RP1: variants seen among roughly 807,000 people sequenced by gnomAD.
RP1 encodes the protein oxygen-regulated protein 1.
Under a neutral mutation model 14.8 loss-of-function variants are expected in RP1, and 16 were observed. The observed-to-expected ratio is 1.08, with a 90% CI of 0.73 to 1.65. The LOEUF is 1.65. RP1 is among the 40% of genes most tolerant of loss of function. The probability of loss-of-function intolerance (pLI) is 0.00; values close to 1 mark genes in which losing one functional copy is unlikely to be tolerated. For missense variants in RP1, 2,631 were observed against 2,535.0 expected (o/e 1.04, Z -0.81); for synonymous variants, 876 against 883.6 (o/e 0.99, Z 0.15).
chr8:54,821,395 T>C (rs1305282932), intron 24 of RP1, among the ~76,000 whole-genome samples: 1 of 152,176 alleles, frequency 6.6e-6, no homozygotes, highest in East Asian at 1.9e-4. Flanking sequence ...TGACAAACCA[T>C]ACAAATGACT....
intron 1 of RP1, among the ~76,000 whole-genome samples, chr8:54,571,704 G>A (rs1804526765): frequency 6.6e-6 from 1 of 152,218 alleles, no homozygotes; most frequent in Admixed American, 6.5e-5. Context: ...GAGGCTGGAA[G>A]TCTGAGATCA....
exon 15 of RP1, chr8:54,706,532 G>T (rs1288638954): frequency 1.3e-6 from 2 of 1,535,836 alleles, no homozygotes; most frequent in Admixed American, 2.0e-5. Flanking sequence ...GCACTGGAGT[G>T]GGAAGCCAGT....
At chr8:54,698,100 A>T (rs1316498561) in intron 12 of RP1, among the ~76,000 whole-genome samples, 1 of 152,240 alleles carries the variant, frequency 6.6e-6, no homozygotes, top group Non-Finnish European at 1.5e-5. Flanking sequence ...CAGAGTGAAC[A>T]GGCCACCTAC....
intron 3 of RP1, among the ~76,000 whole-genome samples, chr8:54,646,163 G>C (rs1806546250): frequency 1.3e-5 from 2 of 152,090 alleles, no homozygotes; most frequent in South Asian, 4.1e-4. Flanking sequence ...GAAATCTTCT[G>C]TCTTACTTGC....
chr8:54,676,306 T>C (rs1807293707), intron 8 of RP1, among the ~76,000 whole-genome samples: 1 of 152,192 alleles, frequency 6.6e-6, no homozygotes, highest in Non-Finnish European at 1.5e-5. Context: ...GGCTGTTGAT[T>C]TGATACCTAT....
chr8:54,796,938 C>T (rs1231231650), intron 24 of RP1, among the ~76,000 whole-genome samples: 1 of 152,118 alleles, frequency 6.6e-6, no homozygotes, highest in East Asian at 1.9e-4. Context: ...TTTTACTAAT[C>T]TTGCTGAGAG....
intron 25 of RP1, among the ~76,000 whole-genome samples, chr8:54,844,767 T>C (rs1388077356): frequency 2.6e-5 from 4 of 152,218 alleles, no homozygotes; most frequent in Non-Finnish European, 4.4e-5. Context: ...GATATTCTTA[T>C]GTGATCCTAT....
chr8:54,669,924 T>C (rs1054341364), intron 7 of RP1, among the ~76,000 whole-genome samples: 2 of 152,110 alleles, frequency 1.3e-5, no homozygotes, highest in African/African-American at 2.4e-5. Context: ...AAATACCTAA[T>C]GTAAATTATG....
chr8:54,761,821 G>A (rs1332986360), intron 22 of RP1, among the ~76,000 whole-genome samples: 2 of 152,152 alleles, frequency 1.3e-5, no homozygotes, highest in African/African-American at 4.8e-5. Context: ...TTTCTATTAT[G>A]TAGCTATACA....
intron 24 of RP1, among the ~76,000 whole-genome samples, chr8:54,831,609 C>A (rs1811531293): frequency 6.6e-6 from 1 of 151,490 alleles, no homozygotes; most frequent in Non-Finnish European, 1.5e-5. Flanking sequence ...ATATTACAAA[C>A]CCCATAAAAC....
intron 24 of RP1, among the ~76,000 whole-genome samples, chr8:54,822,307 G>A (rs1471304053): frequency 6.6e-6 from 1 of 152,258 alleles, no homozygotes; most frequent in South Asian, 2.1e-4. Context: ...TATCCAGAGA[G>A]TAGCATATTT....
intron 7 of RP1, among the ~76,000 whole-genome samples, chr8:54,669,402 A>C (rs1807093163): frequency 2.0e-5 from 3 of 152,320 alleles, no homozygotes; most frequent in South Asian, 4.1e-4. Context: ...GATGTGGAGA[A>C]ATAGGAACAC....
intron 24 of RP1, among the ~76,000 whole-genome samples, chr8:54,792,456 G>A (rs565697686): frequency 1.6e-4 from 24 of 151,852 alleles, no homozygotes; most frequent in Middle Eastern, 3.4e-3. Flanking sequence ...CATATGTTAG[G>A]ACACAAAACA....
upstream of RP1, among the ~76,000 whole-genome samples, chr8:54,615,388 C>CCCGT (rs1805691182): frequency 6.6e-6 from 1 of 152,130 alleles, no homozygotes; most frequent in Non-Finnish European, 1.5e-5. Flanking sequence ...GGCAGGAAGC[C>CCCGT]CCGTAGGAAA....
intron 12 of RP1, among the ~76,000 whole-genome samples, chr8:54,685,469 T>A (rs555380604): frequency 5.3e-4 from 80 of 152,280 alleles, no homozygotes; most frequent in African/African-American, 1.8e-3. Flanking sequence ...TGGTTTTGAA[T>A]GAATTTCTTA....
At chr8:54,570,864 TC>T (rs1301470259) in intron 1 of RP1, among the ~76,000 whole-genome samples, 1 of 152,160 alleles carries the variant, frequency 6.6e-6, no homozygotes, top group Non-Finnish European at 1.5e-5. Flanking sequence ...CTTAAATATA[TC>T]TTTGAAGTTT....
intron 14 of RP1, among the ~76,000 whole-genome samples, chr8:54,704,123 A>C (rs746992649): frequency 2.0e-5 from 3 of 152,186 alleles, no homozygotes; most frequent in Non-Finnish European, 4.4e-5. Flanking sequence ...TTTCCTTTGC[A>C]TTCACAACAT....
intron 3 of RP1, among the ~76,000 whole-genome samples, chr8:54,637,242 C>T (rs187182903): frequency 3.3e-5 from 5 of 151,970 alleles, no homozygotes; most frequent in Non-Finnish European, 5.9e-5. Flanking sequence ...TGTAATAGCT[C>T]GATAGGACTG....
intron 1 of RP1, among the ~76,000 whole-genome samples, chr8:54,607,217 G>C (rs1280735604): frequency 6.6e-6 from 1 of 152,124 alleles, no homozygotes; most frequent in Non-Finnish European, 1.5e-5. Context: ...AACAGATGGG[G>C]TTTTGGTGTG....
Sources: gnomAD v4.1 joint callset for allele counts (sites outside exome capture counted in the v4.1 genomes callset) on GRCh38, gnomAD v4.1.1 for gene constraint, MANE v1.5 for transcripts, NCBI Gene and HGNC (gene_info 2026-07-23, HGNC 2026-07-21) for gene names.